HEATR9: variants seen among roughly 807,000 people sequenced by gnomAD.
HEATR9 encodes protein HEATR9.
HEATR9 carries 54 observed loss-of-function variants against 68.2 expected under a neutral mutation model. The ratio of observed to expected loss-of-function variants is 0.79; its 90% CI spans 0.64 to 0.99. HEATR9 has a LOEUF of 0.99. Among genes scored for constraint, HEATR9 ranks in the 50% least tolerant of loss-of-function variants. HEATR9 has a pLI of 0.00. For missense variants in HEATR9, 662 were observed against 679.7 expected (o/e 0.97, Z 0.29); for synonymous variants, 241 against 253.5 (o/e 0.95, Z 0.47).
intron 8 of HEATR9, among the ~76,000 whole-genome samples, chr17:35,862,735 C>G (rs2088040581): frequency 6.6e-6 from 1 of 152,186 alleles, no homozygotes; most frequent in African/African-American, 2.4e-5. Context: ...GTCAAACCAT[C>G]TAAATCAGGA....
At chr17:35,860,036 G>A (rs1199261556) in intron 8 of HEATR9, among the ~76,000 whole-genome samples, 2 of 152,012 alleles carry the variant, frequency 1.3e-5, no homozygotes, top group East Asian at 3.9e-4. Flanking sequence ...ATCTATCTAA[G>A]GCCAGTCTCC....
rs2088154571 is a variant in HEATR9, at chr17:35,865,220, G to A, written c.315C>T (p.Asp105=). ...AEKMLRKMRD[D]CRYIKEVHQT... ...TGGAGGCCAGCAAAACACACCTACA[G>A]TCATCTCTCATTTTCCTCAACATCT... The change falls in exon 3 of 15, where the codon GAC becomes GAT. Residue 105 remains aspartate, a synonymous_variant. Coordinates refer to ENST00000604834, the MANE Select transcript of HEATR9 (RefSeq NM_152781.4). 6.2e-7 allele frequency: 1 copy of A among 1,613,424 alleles called. No homozygotes were observed. The highest frequency in any genetic ancestry group is 8.5e-7 in the Non-Finnish European group (1 of 1,179,584).
At chr17:35,862,598 T>C (rs1012878075) in intron 8 of HEATR9, among the ~76,000 whole-genome samples, 3 of 152,226 alleles carry the variant, frequency 2.0e-5, no homozygotes, top group African/African-American at 7.2e-5. Flanking sequence ...CAATTACAGA[T>C]GCTCCTCTAT....
rs1372833783 is a variant in HEATR9, at chr17:35,855,366, G to A, written c.1410C>T (p.Ile470=). The change falls in exon 15 of 15, where the codon ATC becomes ATT. Residue 470 remains isoleucine, a synonymous_variant. Coordinates refer to ENST00000604834, the MANE Select transcript of HEATR9 (RefSeq NM_152781.4). ...LILCASIDPW[I]QNKLKNKVLS... is the part of the protein sequence containing the mutation. ...GAACCTTGTTTTTCAGCTTGTTTTG[G>A]ATCCAGGGATCAATTGAGGCACAAA... 2 of 1,613,906 alleles carry A rather than the reference G, an allele frequency of 1.2e-6. No individual in the cohort carries two copies. Among genetic ancestry groups the A allele is most frequent in the South Asian group, 2.2e-5 (2 of 91,086 alleles).
At position 35,866,605 on chromosome 17, in the gene HEATR9, A is replaced by G. The variant is rs1036320922; in HGVS notation, c.138+119T>C. Reference sequence around the variant, plus strand: ...AAGTGACTGTTCAAGATCACAGTTAATGGCAGCCCCAGGGGTAAATGTCAG... The same window carrying G: ...AAGTGACTGTTCAAGATCACAGTTAGTGGCAGCCCCAGGGGTAAATGTCAG... On this transcript the variant is annotated intron_variant, in intron 2 of 14. Transcript: ENST00000604834. 5.3e-6 allele frequency: 5 copies of G among 945,228 alleles called. No homozygotes were observed. In the Admixed American group the frequency reaches 9.7e-5, roughly 18 times the overall value. 58.6% of individuals were successfully genotyped at this position (945,228 alleles called of 1,614,324 possible).
chr17:35,864,677 G>A (rs1462364994), intron 4 of HEATR9, 81 bp downstream of exon 4: 7 of 1,601,934 alleles, frequency 4.4e-6, no homozygotes, highest in African/African-American at 1.3e-5. Flanking sequence ...CAAGGACTGA[G>A]GGCTGAAGGA....
In HEATR9 at chr17:35,856,730, A is replaced by G. The variant is rs1268173811; in HGVS notation, c.1226+2T>C. On this transcript the variant is annotated splice_donor_variant, in intron 12 of 14. Transcript: ENST00000604834. LOFTEE classifies it high-confidence loss of function. ...GGCCCTGGCAGCTCCCAGGCCACTC[A>G]CGCCTCCACCAAGTTCATCATCGTA... 67 of 1,600,156 alleles carry G rather than the reference A, an allele frequency of 4.2e-5. No individual in the cohort carries two copies. Among genetic ancestry groups the G allele is most frequent in the Non-Finnish European group, 5.3e-5 (62 of 1,173,144 alleles).
In HEATR9 at chr17:35,856,130, C is replaced by G. The variant is rs770095422; in HGVS notation, c.1278+43G>C. On this transcript the variant is annotated intron_variant, in intron 13 of 14. Transcript: ENST00000604834. ...CTGCTCAATCGCCTACTCCCCCTGCCATCAACACAGGAATTGGGTCAGAGA... is the reference window on the plus strand; with the variant it reads ...CTGCTCAATCGCCTACTCCCCCTGCGATCAACACAGGAATTGGGTCAGAGA... 3 of 1,587,792 alleles carry G rather than the reference C, an allele frequency of 1.9e-6. No homozygotes were observed. In the Admixed American group the frequency reaches 5.0e-5, roughly 26 times the overall value.
intron 14 of HEATR9, 97 bp downstream of exon 14, chr17:35,855,567 C>G (rs2087741763): frequency 7.5e-7 from 1 of 1,335,056 alleles, no homozygotes; most frequent in Non-Finnish European, 1.1e-6. Flanking sequence ...TCATGACCCT[C>G]TCCTCCTGAC....
intron 1 of HEATR9, among the ~76,000 whole-genome samples, chr17:35,867,229 G>GGCGACAGA (rs919847263): frequency 6.6e-6 from 1 of 151,910 alleles, no homozygotes; most frequent in Non-Finnish European, 1.5e-5. Flanking sequence ...CTCCAGCTTG[G>GGCGACAGA]GCGACAGAGC....
At chr17:35,860,408 C>A (rs906578399) in intron 8 of HEATR9, among the ~76,000 whole-genome samples, 5 of 147,086 alleles carry the variant, frequency 3.4e-5, no homozygotes, top group Admixed American at 6.8e-5. Flanking sequence ...AAAAAAAAAA[C>A]AAGAACTTTG....
Position 35,855,322 on chromosome 17 carries a change from G to C in HEATR9, c.1454C>G (p.Pro485Arg). The C allele has an allele frequency of 6.2e-7, 1 of 1,614,148 alleles. No homozygotes were observed. The change falls in exon 15 of 15, where the codon CCT becomes CGT. Residue 485 changes from proline (P) to arginine (R), a missense_variant. Pro to Arg is a moderately radical substitution (Grantham distance 103). Coordinates refer to ENST00000604834, the MANE Select transcript of HEATR9 (RefSeq NM_152781.4). ...KNKVLSVYEA[P>R]KTNVKAEPTR... ...GGGCTCTGCCTTCACATTGGTCTTA[G>C]GTGCCTCATATACAGAGAGAACCTT...
intron 2 of HEATR9, 57 bp downstream of exon 2, chr17:35,866,667 T>G (rs1434016582): frequency 6.7e-7 from 1 of 1,503,404 alleles, no homozygotes; most frequent in African/African-American, 1.4e-5. Context: ...AGGGATAGTT[T>G]GCTGCCCCTC....
At position 35,856,424 on chromosome 17, in the gene HEATR9, A is replaced by T. The variant is rs1201685392; in HGVS notation, c.1227-200T>A. 54 of 1,403,990 alleles carry T rather than the reference A, an allele frequency of 3.8e-5. 1 individual carries two copies. The highest frequency in any genetic ancestry group is 3.7e-4 in the South Asian group (30 of 81,004). 87.0% of individuals were successfully genotyped at this position (1,403,990 alleles called of 1,614,324 possible). A position where few individuals can be genotyped will look rare whatever the true frequency, so the allele number is the denominator to read the frequency against. On this transcript the variant is annotated intron_variant, in intron 12 of 14. Transcript: ENST00000604834. ...ACAGTTTGCCAGGAGGCACTGAATG[A>T]TGATCAGGACTGTCCAGAAATTTTA...
At chr17:35,859,561 C>A (rs549142282) in intron 8 of HEATR9, among the ~76,000 whole-genome samples, 2 of 152,344 alleles carry the variant, frequency 1.3e-5, no homozygotes, top group East Asian at 3.9e-4. Context: ...CTCCTCCACA[C>A]CTCTGTCCCT....
At chr17:35,855,518 G>A in intron 14 of HEATR9, 108 bp from the exon 15 acceptor site, 2 of 1,316,228 alleles carry the variant, frequency 1.5e-6, no homozygotes, top group East Asian at 2.3e-5. Flanking sequence ...AGGGCACTGT[G>A]GCCCCAAGGA....
Position 35,864,514 on chromosome 17 carries a change from G to C in HEATR9, c.493C>G (p.Gln165Glu), listed in dbSNP as rs1379002683. The C allele has an allele frequency of 1.2e-6, 2 of 1,613,952 alleles. No individual in the cohort carries two copies. The highest frequency in any genetic ancestry group is 1.7e-6 in the Non-Finnish European group (2 of 1,179,994). Residue 165 changes from glutamine to glutamate, a missense_variant, in exon 5 of 15, where the codon CAG (glutamine) becomes GAG (glutamate). Physicochemically the swap from Gln to Glu is conservative, Grantham distance 29 (BLOSUM62 2). Coordinates refer to ENST00000604834, the MANE Select transcript of HEATR9 (RefSeq NM_152781.4). ...KSLESPREDE[Q>E]FYAAQALGCL... is the part of the protein sequence containing the mutation. ...CTTCTCACCTGTGCTGCATAGAACT[G>C]CTCATCCTCTCTGGGAGATTCCAGG...
intron 7 of HEATR9, 123 bp from the exon 8 acceptor site, chr17:35,863,248 C>T: frequency 3.0e-6 from 4 of 1,316,086 alleles, no homozygotes; most frequent in Non-Finnish European, 4.3e-6. Flanking sequence ...CACAGTGTTG[C>T]TCATCTTCCC....
chr17:35,861,045 CAAA>C, intron 8 of HEATR9: 1 of 638,664 alleles, frequency 1.6e-6, no homozygotes, highest in Non-Finnish European at 2.7e-6. Context: ...GATTCGGTCT[CAAA>C]AAAAAAAAGA....
Sources: allele counts gnomAD v4.1 joint callset (sites outside exome capture counted in the v4.1 genomes callset), GRCh38; gene constraint gnomAD v4.1.1; transcripts MANE v1.5; gene names NCBI Gene and HGNC (gene_info 2026-07-23, HGNC 2026-07-21).